FGF14: variants seen among roughly 807,000 people sequenced by gnomAD.
FGF14 encodes fibroblast growth factor 14.
A neutral mutation model predicts 25.5 loss-of-function variants in FGF14; 5 were observed. That is an observed-to-expected ratio of 0.20 (90% CI 0.10 to 0.41). The LOEUF is 0.41. Ranked by LOEUF, FGF14 falls within the 10% of genes least tolerant of loss-of-function variation. The pLI, the probability that FGF14 is intolerant of heterozygous loss-of-function variation, is 1.00. For synonymous variants in FGF14, 138 were observed against 118.3 expected (o/e 1.17, Z -1.08); for missense variants, 222 against 320.1 (o/e 0.69, Z 2.34).
intron 1 of FGF14, 34 bp downstream of exon 1, chr13:101,916,419 C>T: frequency 6.2e-7 from 1 of 1,612,274 alleles, no homozygotes; most frequent in South Asian, 1.1e-5. Flanking sequence ...GGGGGCGACC[C>T]GGGGCGCATC....
intron 1 of FGF14, among the ~76,000 whole-genome samples, chr13:102,009,687 T>C (rs2039982138): frequency 1.3e-5 from 2 of 152,080 alleles, no homozygotes; most frequent in Admixed American, 1.3e-4. Flanking sequence ...AAAAAACTAG[T>C]TGTTTCTTGT....
intron 1 of FGF14, among the ~76,000 whole-genome samples, chr13:102,384,512 T>G (rs2058257109): frequency 6.6e-6 from 1 of 152,182 alleles, no homozygotes. Flanking sequence ...AATTACCTTG[T>G]GCCTTTCCTA....
At chr13:102,260,455 G>T (rs1409829951) in intron 1 of FGF14, among the ~76,000 whole-genome samples, 1 of 152,194 alleles carries the variant, frequency 6.6e-6, no homozygotes. Flanking sequence ...GGGCTCCCTA[G>T]AGCCTCTCTG....
intron 1 of FGF14, among the ~76,000 whole-genome samples, chr13:101,907,858 G>A (rs894622995): frequency 6.6e-6 from 1 of 152,120 alleles, no homozygotes; most frequent in South Asian, 2.1e-4. Flanking sequence ...GAGTAGGAGA[G>A]ATGGTCTAAT....
chr13:102,054,225 T>G (rs191404515), intron 1 of FGF14, among the ~76,000 whole-genome samples: 82 of 152,330 alleles, frequency 5.4e-4, no homozygotes, highest in African/African-American at 1.9e-3. Flanking sequence ...TAGTTAACTA[T>G]GATCTTGATT....
intron 1 of FGF14, among the ~76,000 whole-genome samples, chr13:101,956,768 CA>C (rs372879439): frequency 0.022 from 2,663 of 122,530 alleles, 40 homozygotes; most frequent in Non-Finnish European, 0.03. Context: ...TTCACTTTAC[CA>C]AAAAAAAAAA....
chr13:101,966,953 G>A (rs2037245614), intron 1 of FGF14, among the ~76,000 whole-genome samples: 1 of 152,028 alleles, frequency 6.6e-6, no homozygotes, highest in African/African-American at 2.4e-5. Context: ...TACTCTACGA[G>A]TGTAAGAATT....
At chr13:102,361,978 A>G (rs1001529089) in intron 1 of FGF14, among the ~76,000 whole-genome samples, 2 of 152,066 alleles carry the variant, frequency 1.3e-5, no homozygotes, top group Non-Finnish European at 2.9e-5. Flanking sequence ...TCTTGGTATC[A>G]TGTCCTCTTC....
intron 1 of FGF14, among the ~76,000 whole-genome samples, chr13:102,146,550 ACT>A (rs2046864018): frequency 1.3e-5 from 2 of 152,102 alleles, no homozygotes; most frequent in Admixed American, 6.6e-5. Context: ...GCTAGAAGAC[ACT>A]CTTTTCCATG....
chr13:102,082,582 G>A (rs1362327718), intron 1 of FGF14, among the ~76,000 whole-genome samples: 5 of 152,150 alleles, frequency 3.3e-5, no homozygotes, highest in Non-Finnish European at 7.3e-5. Flanking sequence ...GCCAACACTC[G>A]GCATGAAAAT....
chr13:101,994,381 T>C (rs2039070231), intron 1 of FGF14, among the ~76,000 whole-genome samples: 1 of 152,116 alleles, frequency 6.6e-6, no homozygotes, highest in Non-Finnish European at 1.5e-5. Context: ...GATAAAAATC[T>C]ATATTTTAAC....
intron 1 of FGF14, among the ~76,000 whole-genome samples, chr13:102,184,857 A>G (rs1013318895): frequency 1.3e-5 from 2 of 152,184 alleles, no homozygotes; most frequent in African/African-American, 4.8e-5. Flanking sequence ...CCATATGCCA[A>G]AATGCCCACA....
chr13:102,156,614 C>A (rs191449189), intron 1 of FGF14, among the ~76,000 whole-genome samples: 28,687 of 152,050 alleles, frequency 0.19, 2,838 homozygotes, highest in East Asian at 0.35. Flanking sequence ...ACAGGGAGGC[C>A]CTCTCTCACC....
chr13:101,834,556 A>G (rs563071483), intron 3 of FGF14, among the ~76,000 whole-genome samples: 2 of 152,124 alleles, frequency 1.3e-5, no homozygotes, highest in Non-Finnish European at 2.9e-5. Context: ...ACAGGAAATA[A>G]GAAGGCTGAG....
At chr13:102,193,326 T>A (rs553255891) in intron 1 of FGF14, among the ~76,000 whole-genome samples, 7 of 152,212 alleles carry the variant, frequency 4.6e-5, no homozygotes, top group Non-Finnish European at 1.0e-4. Flanking sequence ...GGGGCACTCA[T>A]CTCATCATGA....
At chr13:101,816,694 C>T (rs1221451553) in intron 3 of FGF14, among the ~76,000 whole-genome samples, 2 of 152,008 alleles carry the variant, frequency 1.3e-5, no homozygotes, top group African/African-American at 4.8e-5. Context: ...TGCCCTCATG[C>T]ATAAGTTTAA....
Position 102,401,646 on chromosome 13 carries a change from A to C in FGF14, c.33T>G (p.Thr11=). The C allele has an allele frequency of 1.2e-6, 2 of 1,614,130 alleles. 1 individual carries two copies. Among genetic ancestry groups the C allele is most frequent in the South Asian group, 2.2e-5 (2 of 91,082 alleles). Residue 11 remains threonine, a synonymous_variant, in exon 1 of 5, where the codon ACT becomes ACG. Coordinates refer to the FGF14 transcript ENST00000376131. ...GGTTGCATAATAATAATTTGAAATC[A>C]GTTCTCCTGAAGAGGGGCACCGGTT...
intron 1 of FGF14, among the ~76,000 whole-genome samples, chr13:102,048,750 A>G (rs1365617215): frequency 6.6e-6 from 1 of 152,208 alleles, no homozygotes; most frequent in Non-Finnish European, 1.5e-5. Flanking sequence ...TTGGAAACTT[A>G]TAGTAGCCAG....
intron 1 of FGF14, among the ~76,000 whole-genome samples, chr13:102,184,450 G>C (rs2048800004): frequency 6.6e-6 from 1 of 152,180 alleles, no homozygotes; most frequent in Non-Finnish European, 1.5e-5. Flanking sequence ...CACATGTATA[G>C]TGAGAGATTG....
Sources: gnomAD v4.1 joint callset for allele counts (sites outside exome capture counted in the v4.1 genomes callset) on GRCh38, gnomAD v4.1.1 for gene constraint, MANE v1.5 for transcripts, NCBI Gene and HGNC (gene_info 2026-07-23, HGNC 2026-07-21) for gene names.